The following NCR1 variants were observed in gnomAD, a reference collection of about 807,000 sequenced individuals.
NCR1 encodes natural cytotoxicity triggering receptor 1, also known as NK cell-activating receptor.
NCR1 carries 30 observed loss-of-function variants against 32.5 expected under a neutral mutation model. The observed-to-expected ratio is 0.92, with a 90% CI of 0.69 to 1.25. The LOEUF (loss-of-function observed/expected upper bound fraction) is 1.25, where lower values mean the gene tolerates loss of function less well. Ranked by LOEUF, NCR1 falls within the 50% of genes most tolerant of loss-of-function variation. The pLI, the probability that NCR1 is intolerant of heterozygous loss-of-function variation, is 0.00. For synonymous variants in NCR1, 169 were observed against 143.4 expected (o/e 1.18, Z -1.28); for missense variants, 369 against 380.7 (o/e 0.97, Z 0.26).
the NCR1 span, among the ~76,000 whole-genome samples, chr19:54,926,572 G>C: frequency 0.19 from 28,521 of 151,908 alleles, 3,028 homozygotes; most frequent in South Asian, 0.25. Context: ...CTGAGGTTGG[G>C]AGTTTGAGAC....
chr19:54,898,738 G>T, the NCR1 span, among the ~76,000 whole-genome samples: 21 of 152,240 alleles, frequency 1.4e-4, no homozygotes, highest in African/African-American at 5.1e-4. Context: ...TGATGAAAAA[G>T]AGCCTAAACA....
At chr19:54,927,982 C>T in the NCR1 span, among the ~76,000 whole-genome samples, 1 of 152,108 alleles carries the variant, frequency 6.6e-6, no homozygotes, top group African/African-American at 2.4e-5. Context: ...AGCCCCAGCA[C>T]CTTGGGAGGC....
intron 3 of NCR1, among the ~76,000 whole-genome samples, chr19:54,908,090 CAT>C (rs2067729447): frequency 1.3e-5 from 2 of 151,996 alleles, no homozygotes; most frequent in Non-Finnish European, 1.5e-5. Context: ...AGCAGATAAA[CAT>C]GTGAACAAAG....
the NCR1 span, among the ~76,000 whole-genome samples, chr19:54,936,073 G>A: frequency 6.6e-6 from 1 of 152,146 alleles, no homozygotes; most frequent in African/African-American, 2.4e-5. Context: ...TGGATAGCTG[G>A]TTATGCAACA....
downstream of NCR1, among the ~76,000 whole-genome samples, chr19:54,918,645 C>T (rs2068181698): frequency 6.6e-6 from 1 of 152,062 alleles, no homozygotes; most frequent in South Asian, 2.1e-4. Flanking sequence ...CATTACATCA[C>T]TCTGCCTTTG....
chr19:54,917,085 C>G (rs1475927959), downstream of NCR1, among the ~76,000 whole-genome samples: 1 of 151,964 alleles, frequency 6.6e-6, no homozygotes, highest in African/African-American at 2.4e-5. Flanking sequence ...ACGTTGACCA[C>G]TTCCTCCTCG....
chr19:54,930,981 C>G, the NCR1 span, among the ~76,000 whole-genome samples: 1 of 149,912 alleles, frequency 6.7e-6, no homozygotes, highest in African/African-American at 2.4e-5. Flanking sequence ...TGAGATCGCG[C>G]CACTGCACTC....
intron 5 of NCR1, among the ~76,000 whole-genome samples, chr19:54,910,731 A>T (rs1374995092): frequency 6.6e-6 from 1 of 152,220 alleles, no homozygotes; most frequent in Non-Finnish European, 1.5e-5. Flanking sequence ...TCAGGATAGC[A>T]CACAGGAGGG....
At chr19:54,917,321 CAA>C (rs1162494659), downstream of NCR1, among the ~76,000 whole-genome samples, 1 of 139,068 alleles carries the variant, frequency 7.2e-6, no homozygotes, top group African/African-American at 3.0e-5. Flanking sequence ...CAAAAAAAAA[CAA>C]AAACAAAAAC....
At chr19:54,900,005 G>T in the NCR1 span, among the ~76,000 whole-genome samples, 5 of 152,156 alleles carry the variant, frequency 3.3e-5, no homozygotes, top group African/African-American at 1.2e-4. Context: ...AGTGAGAGAG[G>T]TTGGAGAAGA....
At chr19:54,898,278 G>A in the NCR1 span, among the ~76,000 whole-genome samples, 1 of 152,228 alleles carries the variant, frequency 6.6e-6, no homozygotes, top group East Asian at 1.9e-4. Flanking sequence ...CAGATGGGAT[G>A]CGGCTTAGGA....
chr19:54,912,538 G>A, intron 6 of NCR1, 152 bp from the exon 7 acceptor site: 1 of 650,298 alleles, frequency 1.5e-6, no homozygotes, highest in African/African-American at 1.9e-5. Context: ...AGTGGAGGTT[G>A]CAGTGAGCCG....
At chr19:54,916,317 C>CTTTTGTTTTTTTTTTTTTTTTTTTTT (rs2068130933), downstream of NCR1, among the ~76,000 whole-genome samples, 1 of 87,124 alleles carries the variant, frequency 1.1e-5, no homozygotes, top group Non-Finnish European at 2.3e-5. Flanking sequence ...GAATATTGTG[C>CTTTTGTTTTTTTTTTTTTTTTTTTTT]TTTTTTTTTT....
the NCR1 span, chr19:54,934,417 G>A: frequency 4.6e-6 from 7 of 1,508,394 alleles, no homozygotes; most frequent in African/African-American, 9.6e-5. This position sits in a 1 kb window ranked among gnomAD's most constrained non-coding sequence, Gnocchi z 6.7. Context: ...GGCGCAGTAA[G>A]TCAGGTGTTA....
At chr19:54,914,767 T>TC (rs1034356656), downstream of NCR1, among the ~76,000 whole-genome samples, 12 of 150,550 alleles carry the variant, frequency 8.0e-5, no homozygotes, top group African/African-American at 2.7e-4. Flanking sequence ...TTTGAGACAG[T>TC]CTCACTCTGT....
chr19:54,909,850 G>T (rs1340366280), intron 4 of NCR1, among the ~76,000 whole-genome samples, 168 bp from the exon 5 acceptor site: 1 of 145,162 alleles, frequency 6.9e-6, no homozygotes, highest in Non-Finnish European at 1.5e-5. Flanking sequence ...CAGGAGAATC[G>T]CTTGAACCCG....
intron 5 of NCR1, 38 bp from the exon 6 acceptor site, chr19:54,912,130 C>G (rs772514854): frequency 1.3e-6 from 2 of 1,595,852 alleles, no homozygotes; most frequent in Non-Finnish European, 8.6e-7. Flanking sequence ...TGGAGGAGGT[C>G]AAAACCATCC....
chr19:54,931,934 C>T, the NCR1 span, among the ~76,000 whole-genome samples: 4 of 151,888 alleles, frequency 2.6e-5, no homozygotes, highest in African/African-American at 9.7e-5. Context: ...GGGTTCAGAC[C>T]GACCCAGGAC....
At chr19:54,935,694 GA>G in the NCR1 span, among the ~76,000 whole-genome samples, 2,243 of 105,964 alleles carry the variant, frequency 0.021, 28 homozygotes, top group African/African-American at 0.043. Flanking sequence ...CTGTCTCAAA[GA>G]AAAAAAAAAA....
Sources: allele counts gnomAD v4.1 joint callset (sites outside exome capture counted in the v4.1 genomes callset), GRCh38; gene constraint gnomAD v4.1.1; non-coding constraint Gnocchi (gnomAD v3.1); transcripts MANE v1.5; gene names NCBI Gene and HGNC (gene_info 2026-07-23, HGNC 2026-07-21).